The following UBE2D3 variants were observed in gnomAD, a reference collection of about 807,000 sequenced individuals.
The protein encoded by UBE2D3 is ubiquitin-conjugating enzyme E2 D3.
UBE2D3 carries 2 observed loss-of-function variants against 22.8 expected under a neutral mutation model. The observed-to-expected ratio is 0.09, with a 90% confidence interval of 0.04 to 0.28. The LOEUF (loss-of-function observed/expected upper bound fraction) is 0.28, where lower values mean the gene tolerates loss of function less well. Among genes scored for constraint, UBE2D3 ranks in the 10% least tolerant of loss-of-function variants. UBE2D3 has a pLI of 1.00. For missense variants in UBE2D3, 27 were observed against 182.5 expected (o/e 0.15, Z 4.91); for synonymous variants, 56 against 60.4 (o/e 0.93, Z 0.34).
intron 7 of UBE2D3, chr4:102,799,088 A>G (rs986035533): frequency 1.2e-5 from 15 of 1,217,218 alleles, no homozygotes; most frequent in African/African-American, 9.2e-5. Flanking sequence ...AATTTTTACA[A>G]TAGTACTAAC....
At chr4:102,811,722 G>T (rs988863584) in intron 2 of UBE2D3, 3 of 418,678 alleles carry the variant, frequency 7.2e-6, no homozygotes, top group Admixed American at 6.2e-5. Flanking sequence ...ATATACAAAA[G>T]ACCAAGTACT....
chr4:102,821,294 G>T (rs1316094157), intron 2 of UBE2D3, among the ~76,000 whole-genome samples: 1 of 152,032 alleles, frequency 6.6e-6, no homozygotes, highest in Non-Finnish European at 1.5e-5. Context: ...ATACAGTATA[G>T]AAAATTTATT....
intron 2 of UBE2D3, among the ~76,000 whole-genome samples, chr4:102,815,627 A>G (rs1728680764): frequency 6.6e-6 from 1 of 152,200 alleles, no homozygotes; most frequent in Non-Finnish European, 1.5e-5. Context: ...ATCCTTTTAG[A>G]GTGAAGGTAT....
intron 2 of UBE2D3, among the ~76,000 whole-genome samples, chr4:102,822,251 C>T (rs559633159): frequency 2.6e-5 from 4 of 152,296 alleles, no homozygotes; most frequent in African/African-American, 9.6e-5. Context: ...TAAACAAATA[C>T]TGAGGTCCTA....
At position 102,801,531 on chromosome 4, in the gene UBE2D3, G is replaced by A; in HGVS notation, c.227C>T (p.Pro76Leu). The change falls in exon 6 of 8, where the codon CCA becomes CTA. Residue 76 changes from proline to leucine, a missense_variant. Pro to Leu is a moderately conservative substitution (Grantham distance 98). Transcript: ENST00000453744. ...AATGCTGCCATTACTGTTAATATTT[G>A]GATGATAAATTCTTGTTGTAAATGC... is the stretch of plus-strand genomic sequence containing the variant. ...KVAFTTRIYH[P>L]NINSNGSICL... 6.2e-7 allele frequency: 1 copy of A among 1,604,678 alleles called. No individual in the cohort carries two copies. Among genetic ancestry groups the A allele is most frequent in the Non-Finnish European group, 8.5e-7 (1 of 1,175,598 alleles).
intron 1 of UBE2D3, among the ~76,000 whole-genome samples, chr4:102,860,234 A>C (rs1027334537): frequency 5.3e-5 from 8 of 151,872 alleles, no homozygotes; most frequent in Admixed American, 6.6e-5. Flanking sequence ...ACTGAGATTC[A>C]AGGTGAGTGT....
chr4:102,820,447 T>C (rs1295868626), intron 2 of UBE2D3, among the ~76,000 whole-genome samples: 2 of 152,224 alleles, frequency 1.3e-5, no homozygotes, highest in Admixed American at 6.5e-5. Flanking sequence ...GGTTTAACAG[T>C]AGGCACTGCA....
Position 102,795,988 on chromosome 4 carries a change from G to C in UBE2D3, c.*1427C>G, listed in dbSNP as rs767896654. ...AAACAAAAAACAATCCAATAGCATT[G>C]ACTTTTATTCATTCATGTTAAGTCA... is the stretch of plus-strand genomic sequence containing the variant. On this transcript the variant is annotated 3_prime_UTR_variant, in exon 8 of 8. Coordinates refer to ENST00000453744, the MANE Select transcript of UBE2D3 (RefSeq NM_181891.3). The C allele has an allele frequency of 6.6e-6, 1 of 152,452 alleles. No individual in the cohort carries two copies. 9.4% of individuals were successfully genotyped at this position (152,452 alleles called of 1,614,324 possible).
At chr4:102,827,675 C>T, upstream of UBE2D3, 1 of 986,220 alleles carries the variant, frequency 1.0e-6, no homozygotes, top group Middle Eastern at 5.2e-4. Context: ...CGGCTTGCTT[C>T]CCACGTCCGG....
intron 2 of UBE2D3, among the ~76,000 whole-genome samples, chr4:102,824,049 T>C (rs1326138827): frequency 2.6e-5 from 4 of 152,302 alleles, no homozygotes; most frequent in Non-Finnish European, 5.9e-5. Flanking sequence ...CTCACTAAAA[T>C]TGTTGGATGT....
At chr4:102,801,748 C>A in intron 5 of UBE2D3, 189 bp from the exon 6 acceptor site, 1 of 471,414 alleles carries the variant, frequency 2.1e-6, no homozygotes, top group Non-Finnish European at 3.7e-6. Flanking sequence ...GAAACCTAAA[C>A]TTTTGGATAA....
At chr4:102,827,819 CG>C, upstream of UBE2D3, 1 of 986,442 alleles carries the variant, frequency 1.0e-6, no homozygotes, top group South Asian at 4.7e-5. Context: ...GAACGAGTGG[CG>C]GAAACCCTTA....
intron 1 of UBE2D3, among the ~76,000 whole-genome samples, chr4:102,853,542 A>G (rs1732481871): frequency 6.6e-6 from 1 of 152,188 alleles, no homozygotes; most frequent in Non-Finnish European, 1.5e-5. Flanking sequence ...AATAATTCTA[A>G]GATATATTGT....
At chr4:102,797,489 T>G in intron 7 of UBE2D3, 29 bp from the exon 8 acceptor site, 1 of 1,565,094 alleles carries the variant, frequency 6.4e-7, no homozygotes, top group East Asian at 2.3e-5. Flanking sequence ...TTTTTAAAAG[T>G]TAAAATAAAG....
chr4:102,805,595 C>G (rs1726903389), intron 4 of UBE2D3, among the ~76,000 whole-genome samples: 1 of 151,246 alleles, frequency 6.6e-6, no homozygotes, highest in South Asian at 2.1e-4. Context: ...CAAGTAAATT[C>G]TCGGGCCTCA....
At chr4:102,810,379 T>G (rs1727762530) in intron 2 of UBE2D3, 1 of 150,976 alleles carries the variant, frequency 6.6e-6, no homozygotes, top group South Asian at 2.1e-4. Context: ...CCTTTTTTTT[T>G]TTTTTTAAAC....
intron 1 of UBE2D3, among the ~76,000 whole-genome samples, chr4:102,847,750 C>T (rs1732112479): frequency 6.6e-6 from 1 of 151,936 alleles, no homozygotes; most frequent in South Asian, 2.1e-4. Flanking sequence ...CTTAGACAAC[C>T]CTCCTGCCTC....
chr4:102,798,890 A>G, intron 7 of UBE2D3: 1 of 1,604,122 alleles, frequency 6.2e-7, no homozygotes, highest in Non-Finnish European at 8.5e-7. Flanking sequence ...TGCTGGCAGT[A>G]CCATAATAAG....
intron 1 of UBE2D3, among the ~76,000 whole-genome samples, chr4:102,855,504 T>C (rs1356091894): frequency 3.3e-5 from 5 of 152,230 alleles, no homozygotes; most frequent in African/African-American, 1.2e-4. Context: ...TCATGCAGCC[T>C]TGAACTCTTG....
Sources: allele counts gnomAD v4.1 joint callset (sites outside exome capture counted in the v4.1 genomes callset), GRCh38; gene constraint gnomAD v4.1.1; transcripts MANE v1.5; gene names NCBI Gene and HGNC (gene_info 2026-07-23, HGNC 2026-07-21).